PTPRD: variants seen among roughly 807,000 people sequenced by gnomAD.
PTPRD encodes the protein receptor-type tyrosine-protein phosphatase delta.
In PTPRD, 34 loss-of-function variants were observed where a neutral mutation model predicts 214.5. The ratio of observed to expected loss-of-function variants is 0.16; its 90% CI spans 0.12 to 0.21. The LOEUF is 0.21. PTPRD is among the 10% of genes least tolerant of loss of function. PTPRD has a pLI of 1.00. For synonymous variants in PTPRD, 1,128 were observed against 845.7 expected (o/e 1.33, Z -5.79); for missense variants, 2,545 against 2,398.7 (o/e 1.06, Z -1.27).
intron 8 of PTPRD, among the ~76,000 whole-genome samples, chr9:9,539,411 G>C (rs1458544828): frequency 3.3e-5 from 5 of 151,772 alleles, no homozygotes; most frequent in Non-Finnish European, 7.4e-5. Context: ...TTTGTCTCTT[G>C]GACAAGCAAG....
At chr9:10,557,379 C>A (rs2062851115) in intron 2 of PTPRD, among the ~76,000 whole-genome samples, 1 of 152,110 alleles carries the variant, frequency 6.6e-6, no homozygotes, top group African/African-American at 2.4e-5. Context: ...AGCATTCTTT[C>A]TCTCTTTCTC....
At chr9:9,911,822 T>G (rs536437952) in intron 5 of PTPRD, among the ~76,000 whole-genome samples, 118 of 152,222 alleles carry the variant, frequency 7.8e-4, no homozygotes, top group African/African-American at 2.8e-3. Context: ...TTTAAAAATT[T>G]TCCTGTGGTG....
At chr9:9,834,443 A>C (rs952757016) in intron 5 of PTPRD, among the ~76,000 whole-genome samples, 2 of 152,076 alleles carry the variant, frequency 1.3e-5, no homozygotes, top group Non-Finnish European at 2.9e-5. Context: ...GTGAAAGTTT[A>C]TAGTGGTCAG....
chr9:10,142,077 A>G (rs2098989658), intron 3 of PTPRD, among the ~76,000 whole-genome samples: 1 of 152,072 alleles, frequency 6.6e-6, no homozygotes, highest in Non-Finnish European at 1.5e-5. Flanking sequence ...CCATATGTAG[A>G]AAGCTGAAAC....
chr9:8,426,546 C>T (rs1279814980), intron 35 of PTPRD, among the ~76,000 whole-genome samples: 1 of 152,130 alleles, frequency 6.6e-6, no homozygotes, highest in Non-Finnish European at 1.5e-5. Flanking sequence ...TTGGGCTCCA[C>T]ATGGGAGCAG....
At chr9:8,990,173 G>A (rs1295570337) in intron 11 of PTPRD, among the ~76,000 whole-genome samples, 2 of 152,026 alleles carry the variant, frequency 1.3e-5, no homozygotes, top group Non-Finnish European at 2.9e-5. Context: ...AAGTTTACAT[G>A]GAAAATCTGT....
rs796215573 is a variant in PTPRD, at chr9:10,086,288, T to TCATAGTCCCCCATCATAGTCCCAGA, written c.-544-52499_-544-52498insTCTGGGACTATGATGGGGGACTATG. 2.9e-4 allele frequency among the ~76,000 whole-genome samples: 44 copies of TCATAGTCCCCCATCATAGTCCCAGA among 151,906 alleles called. 1 individual carries two copies. Among genetic ancestry groups the TCATAGTCCCCCATCATAGTCCCAGA allele is most frequent in the African/African-American group, 9.6e-4 (40 of 41,492 alleles). ...AAAATAGTATACGACTGATCCCCCATCAGTACTATGCTGTCTGGGAGTCTG... is the reference window on the plus strand; with the variant it reads ...AAAATAGTATACGACTGATCCCCCATCATAGTCCCCCATCATAGTCCCAGACAGTACTATGCTGTCTGGGAGTCTG... On this transcript the variant is annotated intron_variant, in intron 3 of 45. Coordinates refer to ENST00000381196, the MANE Select transcript of PTPRD (RefSeq NM_002839.4).
intron 7 of PTPRD, among the ~76,000 whole-genome samples, chr9:9,594,621 AT>A (rs1474928570): frequency 3.3e-5 from 5 of 152,048 alleles, no homozygotes; most frequent in Admixed American, 6.6e-5. Flanking sequence ...ATTCTGTCCC[AT>A]TGGTCTGTGT....
chr9:9,704,590 A>G (rs1198201362), intron 7 of PTPRD, among the ~76,000 whole-genome samples: 1 of 152,190 alleles, frequency 6.6e-6, no homozygotes, highest in Admixed American at 6.5e-5. Context: ...ACAAAAATGC[A>G]GCCAAAGTAA....
At chr9:8,335,461 C>T (rs371189232) in intron 43 of PTPRD, among the ~76,000 whole-genome samples, 26 of 152,252 alleles carry the variant, frequency 1.7e-4, no homozygotes, top group Admixed American at 2.0e-4. Flanking sequence ...GCTAACAACT[C>T]TCAATAAACT....
chr9:10,552,668 A>G (rs74836397), intron 2 of PTPRD, among the ~76,000 whole-genome samples: 3,118 of 152,242 alleles, frequency 0.02, 112 homozygotes, highest in African/African-American at 0.071. Flanking sequence ...ACATATCTGA[A>G]TGCAAGAGGA....
At chr9:10,397,548 A>G (rs1238460896) in intron 2 of PTPRD, among the ~76,000 whole-genome samples, 1 of 152,044 alleles carries the variant, frequency 6.6e-6, no homozygotes, top group East Asian at 1.9e-4. Flanking sequence ...TGCACTGACA[A>G]CAAACAGCAT....
At chr9:9,167,328 TTG>T (rs147430665) in intron 10 of PTPRD, among the ~76,000 whole-genome samples, 3,218 of 145,148 alleles carry the variant, frequency 0.022, 82 homozygotes, top group African/African-American at 0.063. Context: ...TATATGGGGT[TTG>T]TGTGTGTGTG....
At chr9:8,575,271 T>C (rs144626045) in intron 14 of PTPRD, among the ~76,000 whole-genome samples, 1 of 152,276 alleles carries the variant, frequency 6.6e-6, no homozygotes, top group East Asian at 1.9e-4. Flanking sequence ...TATATTTATA[T>C]ATTTCAAGCA....
chr9:9,956,086 T>A (rs984283598), intron 4 of PTPRD, among the ~76,000 whole-genome samples: 2 of 152,140 alleles, frequency 1.3e-5, no homozygotes, highest in Non-Finnish European at 2.9e-5. Context: ...AAAAAATATA[T>A]AGATTTTGCT....
intron 6 of PTPRD, among the ~76,000 whole-genome samples, chr9:9,735,607 C>T (rs779928046): frequency 4.6e-5 from 7 of 151,964 alleles, no homozygotes; most frequent in Non-Finnish European, 5.9e-5. Context: ...CAAATCATCC[C>T]GAAGGAAGCT....
At chr9:9,233,915 G>T (rs1359807312) in intron 9 of PTPRD, among the ~76,000 whole-genome samples, 1 of 152,174 alleles carries the variant, frequency 6.6e-6, no homozygotes, top group Admixed American at 6.5e-5. Context: ...AATGTCTACA[G>T]CTTTTCCAGG....
intron 8 of PTPRD, among the ~76,000 whole-genome samples, chr9:9,424,797 T>C (rs2080187844): frequency 6.6e-6 from 1 of 152,184 alleles, no homozygotes; most frequent in Non-Finnish European, 1.5e-5. Flanking sequence ...ATTGCACTTC[T>C]ACAGACCAGC....
chr9:8,906,794 CT>C (rs1486502795), intron 11 of PTPRD, among the ~76,000 whole-genome samples: 2 of 152,030 alleles, frequency 1.3e-5, no homozygotes, highest in Middle Eastern at 3.2e-3. Flanking sequence ...GACTATATGA[CT>C]ATCCAGACGT....
Sources: allele counts gnomAD v4.1 joint callset (sites outside exome capture counted in the v4.1 genomes callset), GRCh38; gene constraint gnomAD v4.1.1; transcripts MANE v1.5; gene names NCBI Gene and HGNC (gene_info 2026-07-23, HGNC 2026-07-21).